GPT2: variants seen among roughly 807,000 people sequenced by gnomAD.
GPT2 encodes alanine aminotransferase 2.
Under a neutral mutation model 56.9 loss-of-function variants are expected in GPT2, and 30 were observed. The observed-to-expected ratio is 0.53, with a 90% CI of 0.39 to 0.72. The LOEUF is 0.72. Ranked by LOEUF, GPT2 falls within the 30% of genes least tolerant of loss-of-function variation. GPT2 has a pLI of 0.00. For synonymous variants in GPT2, 271 were observed against 283.1 expected, an observed-to-expected ratio of 0.96 and a Z score of 0.43; for missense variants, 542 against 703.4, an observed-to-expected ratio of 0.77 and a Z score of 2.60.
chr16:46,889,730 C>G (rs1960551809), intron 2 of GPT2, among the ~76,000 whole-genome samples: 1 of 152,180 alleles, frequency 6.6e-6, no homozygotes, highest in Admixed American at 6.5e-5. Flanking sequence ...CAGTTTATTT[C>G]TCTGAAAGAC....
intron 2 of GPT2, among the ~76,000 whole-genome samples, chr16:46,893,333 G>A (rs1960619774): frequency 6.6e-6 from 1 of 152,048 alleles, no homozygotes; most frequent in Non-Finnish European, 1.5e-5. Flanking sequence ...GGGTTTCACC[G>A]TGTTAGCCAG....
intron 4 of GPT2, among the ~76,000 whole-genome samples, chr16:46,904,917 A>G (rs1960889442): frequency 6.6e-6 from 1 of 152,212 alleles, no homozygotes. Flanking sequence ...ACAGAAGCCC[A>G]TGCCCACCAC....
chr16:46,909,073 A>AT (rs1960992072), intron 5 of GPT2, among the ~76,000 whole-genome samples: 1 of 142,590 alleles, frequency 7.0e-6, no homozygotes, highest in African/African-American at 2.5e-5. Flanking sequence ...GTAGATGGGT[A>AT]TTTTATCCCA....
chr16:46,922,149 G>T, intron 8 of GPT2, 93 bp from the exon 9 acceptor site: 6 of 1,215,616 alleles, frequency 4.9e-6, no homozygotes, highest in Non-Finnish European at 7.1e-6. Flanking sequence ...TTGGTGTTGG[G>T]TGTGGGAATG....
intron 10 of GPT2, among the ~76,000 whole-genome samples, chr16:46,926,355 A>G (rs1596636862): frequency 6.6e-6 from 1 of 151,998 alleles, no homozygotes; most frequent in African/African-American, 2.4e-5. Flanking sequence ...AGGCTGAGGC[A>G]GGAGAATTGC....
intron 3 of GPT2, among the ~76,000 whole-genome samples, chr16:46,899,014 T>TAACACAC (rs1567335212): frequency 2.6e-4 from 2 of 7,808 alleles, no homozygotes; most frequent in African/African-American, 4.6e-4. Context: ...TATATATATA[T>TAACACAC]ATATATATAT....
At chr16:46,914,739 G>C (rs186233679) in intron 6 of GPT2, among the ~76,000 whole-genome samples, 1 of 152,244 alleles carries the variant, frequency 6.6e-6, no homozygotes, top group Admixed American at 6.5e-5. Context: ...GACGATGAGC[G>C]GGGAGAGGCC....
At chr16:46,917,654 C>G (rs1241614110) in intron 7 of GPT2, among the ~76,000 whole-genome samples, 2 of 152,028 alleles carry the variant, frequency 1.3e-5, no homozygotes, top group East Asian at 1.9e-4. Context: ...CTCCTTGTCA[C>G]CCCCCCACAC....
chr16:46,909,402 C>T (rs777282206), intron 5 of GPT2, among the ~76,000 whole-genome samples: 1 of 152,112 alleles, frequency 6.6e-6, no homozygotes, highest in Non-Finnish European at 1.5e-5. Context: ...TTGGCTGCCT[C>T]AGTCTCCCAA....
chr16:46,928,161 C>A (rs188775992), intron 11 of GPT2, among the ~76,000 whole-genome samples: 1 of 151,730 alleles, frequency 6.6e-6, no homozygotes, highest in Non-Finnish European at 1.5e-5. Context: ...CCTGTCTCTA[C>A]AAAAAATTGT....
chr16:46,885,388 AG>A, intron 2 of GPT2: 1 of 182,018 alleles, frequency 5.5e-6, no homozygotes, highest in Non-Finnish European at 6.1e-6. Context: ...TTTAGGTAGG[AG>A]GGGAGACGGG....
chr16:46,905,512 T>C (rs1325580754), intron 4 of GPT2, among the ~76,000 whole-genome samples: 1 of 152,148 alleles, frequency 6.6e-6, no homozygotes, highest in Non-Finnish European at 1.5e-5. Flanking sequence ...TTAAATGCAG[T>C]GTAAAATTCA....
intron 6 of GPT2, among the ~76,000 whole-genome samples, chr16:46,911,331 G>C (rs1961043235): frequency 6.6e-6 from 1 of 152,042 alleles, no homozygotes; most frequent in Non-Finnish European, 1.5e-5. Context: ...AGATAAATTG[G>C]GTCAGGGCCA....
At chr16:46,902,546 A>G (rs1306806036) in intron 4 of GPT2, among the ~76,000 whole-genome samples, 2 of 152,190 alleles carry the variant, frequency 1.3e-5, no homozygotes, top group Admixed American at 1.3e-4. Flanking sequence ...GAAATGGAGC[A>G]TGTCACTATG....
intron 2 of GPT2, among the ~76,000 whole-genome samples, chr16:46,888,499 G>A (rs760701308): frequency 1.3e-5 from 2 of 151,738 alleles, no homozygotes; most frequent in African/African-American, 4.8e-5. Flanking sequence ...GGTGCCCGCC[G>A]CCACACCCAG....
At chr16:46,909,325 T>C (rs566151930) in intron 5 of GPT2, among the ~76,000 whole-genome samples, 3 of 152,050 alleles carry the variant, frequency 2.0e-5, no homozygotes, top group African/African-American at 7.2e-5. Flanking sequence ...TTTTAAATTT[T>C]TAAGTAGGGA....
In GPT2 at chr16:46,931,095, A is replaced by G. The variant is rs935653029; in HGVS notation, c.*2098A>G. On this transcript the variant is annotated 3_prime_UTR_variant, in exon 12 of 12. Coordinates refer to ENST00000340124, the MANE Select transcript of GPT2 (RefSeq NM_133443.4). ...GGAAGCACGTGCTGGGCTGTGCCTC[A>G]GACAGTGCATCACCGGGCACCCAGA... The G allele has an allele frequency of 2.0e-5, 3 of 152,236 alleles. No individual in the cohort carries two copies. Among genetic ancestry groups the G allele is most frequent in the African/African-American group, 7.2e-5 (3 of 41,444 alleles). The allele number at this position is 152,236 out of a possible 1,614,324, so 9.4% of individuals were successfully genotyped here. A position where few individuals can be genotyped will look rare whatever the true frequency, so the allele number is the denominator to read the frequency against.
At chr16:46,898,947 C>CACACAT (rs1960749118) in intron 3 of GPT2, among the ~76,000 whole-genome samples, 1 of 136,570 alleles carries the variant, frequency 7.3e-6, no homozygotes, top group Admixed American at 7.4e-5. Context: ...TATACACACA[C>CACACAT]ATATATGTGT....
chr16:46,906,620 GTGGGTGGATGAGTAGA>G (rs891305802), intron 4 of GPT2, among the ~76,000 whole-genome samples: 33 of 152,254 alleles, frequency 2.2e-4, no homozygotes, highest in African/African-American at 5.5e-4. Context: ...GGATGGATGT[GTGGGTGGATGAGTAGA>G]TGGGTGGATG....
Sources: allele counts gnomAD v4.1 joint callset (sites outside exome capture counted in the v4.1 genomes callset), GRCh38; gene constraint gnomAD v4.1.1; transcripts MANE v1.5; gene names NCBI Gene and HGNC (gene_info 2026-07-23, HGNC 2026-07-21).